The following GRM8 variants were observed in gnomAD, a reference collection of about 807,000 sequenced individuals.
GRM8 encodes metabotropic glutamate receptor 8.
GRM8 carries 47 observed loss-of-function variants against 87.2 expected under a neutral mutation model. That is an observed-to-expected ratio of 0.54 (90% confidence interval 0.43 to 0.69). The LOEUF (loss-of-function observed/expected upper bound fraction) is 0.69. Among genes scored for constraint, GRM8 ranks in the 30% least tolerant of loss-of-function variants. GRM8 has a pLI of 0.00. For synonymous variants in GRM8, 396 were observed against 404.5 expected, an observed-to-expected ratio of 0.98 and a Z score of 0.25; for missense variants, 1,019 against 1,139.2, an observed-to-expected ratio of 0.89 and a Z score of 1.52.
At chr7:127,234,487 G>C (rs940462754) in intron 2 of GRM8, among the ~76,000 whole-genome samples, 1 of 152,144 alleles carries the variant, frequency 6.6e-6, no homozygotes, top group Non-Finnish European at 1.5e-5. Context: ...AATCCAACCA[G>C]GTGTGTGTCA....
chr7:126,918,486 T>A (rs1245017053), intron 3 of GRM8, among the ~76,000 whole-genome samples: 1 of 152,030 alleles, frequency 6.6e-6, no homozygotes, highest in Admixed American at 6.6e-5. Flanking sequence ...AGAAAAAAAA[T>A]TAAGTTAGCC....
intron 3 of GRM8, among the ~76,000 whole-genome samples, chr7:127,015,802 A>G (rs1238596219): frequency 6.6e-6 from 1 of 152,126 alleles, no homozygotes; most frequent in African/African-American, 2.4e-5. Flanking sequence ...CAACATACAG[A>G]AGGTTGATGT....
At chr7:126,749,571 A>C (rs1236953446) in intron 7 of GRM8, among the ~76,000 whole-genome samples, 1 of 150,012 alleles carries the variant, frequency 6.7e-6, no homozygotes, top group Non-Finnish European at 1.5e-5. Flanking sequence ...AATATATATA[A>C]TCATATATTT....
rs10252394 is a variant in GRM8, at chr7:126,792,054, C to T, written c.1157-21989G>A. On this transcript the variant is annotated intron_variant, in intron 6 of 10. Coordinates refer to ENST00000339582, the MANE Select transcript of GRM8 (RefSeq NM_000845.3). Reference sequence around the variant, plus strand: ...GGTTTCAGAGTGGTGATTTTAAATGCTTGTGGTACATGCAAAATGCTGCTG... The same window carrying T: ...GGTTTCAGAGTGGTGATTTTAAATGTTTGTGGTACATGCAAAATGCTGCTG... 3.3e-5 allele frequency among the ~76,000 whole-genome samples: 5 copies of T among 152,158 alleles called. No homozygotes were observed. The East Asian group carries it at 7.7e-4, about 23-fold the overall frequency.
At chr7:126,449,108 G>A (rs1802333777) in intron 9 of GRM8, among the ~76,000 whole-genome samples, 1 of 151,780 alleles carries the variant, frequency 6.6e-6, no homozygotes, top group South Asian at 2.1e-4. Flanking sequence ...ATTTGTTACA[G>A]GGCCATGGAA....
intron 2 of GRM8, among the ~76,000 whole-genome samples, chr7:127,164,635 C>A (rs769928652): frequency 1.1e-4 from 17 of 152,170 alleles, no homozygotes; most frequent in Admixed American, 3.3e-4. Flanking sequence ...TTTCTCAGCA[C>A]ACCTTGTTGG....
intron 7 of GRM8, among the ~76,000 whole-genome samples, chr7:126,765,288 T>G (rs932461461): frequency 2.0e-5 from 3 of 152,088 alleles, no homozygotes; most frequent in Admixed American, 2.0e-4. Context: ...TTATAGGTTT[T>G]TATTTCTTAG....
chr7:126,834,128 A>C (rs758153344), intron 6 of GRM8, among the ~76,000 whole-genome samples: 7 of 152,186 alleles, frequency 4.6e-5, no homozygotes, highest in Non-Finnish European at 7.3e-5. Context: ...ATAAATGTCA[A>C]CCAAATGGTG....
At chr7:126,618,363 T>A (rs1387271589) in intron 7 of GRM8, among the ~76,000 whole-genome samples, 3 of 152,158 alleles carry the variant, frequency 2.0e-5, no homozygotes, top group East Asian at 1.9e-4. Flanking sequence ...TTACACCTTA[T>A]ACAAAAATTA....
At chr7:126,971,390 A>C in intron 3 of GRM8, among the ~76,000 whole-genome samples, 1 of 152,192 alleles carries the variant, frequency 6.6e-6, no homozygotes, top group East Asian at 1.9e-4. Context: ...TCCTTGCATT[A>C]GGCTTTGCTA....
At chr7:126,710,490 C>T (rs1810993738) in intron 7 of GRM8, among the ~76,000 whole-genome samples, 1 of 152,188 alleles carries the variant, frequency 6.6e-6, no homozygotes, top group Non-Finnish European at 1.5e-5. Context: ...ATGTTCACAG[C>T]ACCTTCAACA....
chr7:127,086,380 G>C (rs548059749), intron 3 of GRM8, among the ~76,000 whole-genome samples: 2 of 152,208 alleles, frequency 1.3e-5, no homozygotes, highest in Non-Finnish European at 2.9e-5. Flanking sequence ...GATTACAGGC[G>C]TGAGCCACTG....
intron 7 of GRM8, among the ~76,000 whole-genome samples, chr7:126,664,142 A>T (rs1024555360): frequency 1.3e-5 from 2 of 152,196 alleles, no homozygotes; most frequent in African/African-American, 2.4e-5. Flanking sequence ...CAGAGATGAC[A>T]CAAACAAAAC....
At chr7:126,568,246 T>A (rs1258332034) in intron 8 of GRM8, among the ~76,000 whole-genome samples, 1 of 152,052 alleles carries the variant, frequency 6.6e-6, no homozygotes, top group African/African-American at 2.4e-5. Context: ...CAACATGAAT[T>A]CAATATTCTG....
At chr7:127,214,904 T>C (rs778521968) in intron 2 of GRM8, among the ~76,000 whole-genome samples, 2 of 152,250 alleles carry the variant, frequency 1.3e-5, no homozygotes, top group East Asian at 1.9e-4. Flanking sequence ...ACATTTTTAA[T>C]AGCATTTTGC....
At chr7:126,719,913 C>A (rs1202951290) in intron 7 of GRM8, among the ~76,000 whole-genome samples, 2 of 135,590 alleles carry the variant, frequency 1.5e-5, no homozygotes, top group Non-Finnish European at 3.1e-5. Context: ...TATATTTTTT[C>A]TTTTCCCTTA....
chr7:127,013,155 C>T (rs1815066184), intron 3 of GRM8, among the ~76,000 whole-genome samples: 1 of 152,160 alleles, frequency 6.6e-6, no homozygotes, highest in South Asian at 2.1e-4. Flanking sequence ...CCTATAAACA[C>T]AGCTTGATCA....
At chr7:126,792,116 A>G (rs1306749586) in intron 6 of GRM8, among the ~76,000 whole-genome samples, 1 of 152,222 alleles carries the variant, frequency 6.6e-6, no homozygotes, top group African/African-American at 2.4e-5. Context: ...CCATGGTCCC[A>G]GGATGCCCCT....
chr7:126,590,436 T>G (rs1192057404), intron 8 of GRM8, among the ~76,000 whole-genome samples: 1 of 152,042 alleles, frequency 6.6e-6, no homozygotes. Flanking sequence ...ATCTAAAGGT[T>G]TGGAAAACAT....
Sources: allele counts gnomAD v4.1 joint callset (sites outside exome capture counted in the v4.1 genomes callset), GRCh38; gene constraint gnomAD v4.1.1; transcripts MANE v1.5; gene names NCBI Gene and HGNC (gene_info 2026-07-23, HGNC 2026-07-21).